Variants in TGFBR2 observed in about 807,000 individuals in gnomAD.
TGFBR2 encodes transforming growth factor beta receptor 2.
In TGFBR2, 18 loss-of-function variants were observed where a neutral mutation model predicts 49.0. The ratio of observed to expected loss-of-function variants is 0.37; its 90% CI spans 0.25 to 0.54. TGFBR2 has a LOEUF of 0.54. Among genes scored for constraint, TGFBR2 ranks in the 20% least tolerant of loss-of-function variants. The pLI, the probability that TGFBR2 is intolerant of heterozygous loss-of-function variation, is 0.85. For missense variants in TGFBR2, 525 were observed against 722.6 expected, an observed-to-expected ratio of 0.73 and a Z score of 3.13; for synonymous variants, 282 against 275.9, an observed-to-expected ratio of 1.02 and a Z score of -0.22.
intron 1 of TGFBR2, among the ~76,000 whole-genome samples, chr3:30,642,986 T>G (rs1331895208): frequency 6.6e-6 from 1 of 152,186 alleles, no homozygotes; most frequent in African/African-American, 2.4e-5. Context: ...ATGGCTTTAT[T>G]TTTTTCTTCT....
At chr3:30,628,965 T>G (rs1419041610) in intron 1 of TGFBR2, among the ~76,000 whole-genome samples, 2 of 152,164 alleles carry the variant, frequency 1.3e-5, no homozygotes, top group Non-Finnish European at 2.9e-5. Flanking sequence ...GGGATAGAAC[T>G]TTAATTACAC....
In TGFBR2 at chr3:30,671,619, T is replaced by C; in HGVS notation, c.455-19T>C. The C allele has an allele frequency of 1.2e-6, 2 of 1,613,960 alleles. No homozygotes were observed. The highest frequency in any genetic ancestry group is 8.5e-7 in the Non-Finnish European group (1 of 1,179,796). ...TACCACATCCAACTCCTTCTCTCCTTGTTTTGTTTCCCCATCAGAATATAA... is the reference window on the plus strand; with the variant it reads ...TACCACATCCAACTCCTTCTCTCCTCGTTTTGTTTCCCCATCAGAATATAA... On this transcript the variant is annotated intron_variant, in intron 3 of 6. Transcript: ENST00000295754.
intron 2 of TGFBR2, among the ~76,000 whole-genome samples, chr3:30,645,819 C>CCTCTCTCT (rs4016205): frequency 0.022 from 3,281 of 147,938 alleles, 43 homozygotes; most frequent in Non-Finnish European, 0.031. Context: ...CACATTTTCT[C>CCTCTCTCT]CTCTCTCTCT....
chr3:30,634,738 A>G (rs1016163962), intron 1 of TGFBR2, among the ~76,000 whole-genome samples: 4 of 152,198 alleles, frequency 2.6e-5, no homozygotes, highest in African/African-American at 9.6e-5. Context: ...TTGTTGCTAC[A>G]GCACTCCAAG....
intron 3 of TGFBR2, among the ~76,000 whole-genome samples, chr3:30,653,295 G>A (rs13068547): frequency 0.18 from 23,759 of 129,168 alleles, 2,248 homozygotes; most frequent in East Asian, 0.42. Flanking sequence ...TCTGTCACCC[G>A]GGCTGGAGTG....
intron 1 of TGFBR2, among the ~76,000 whole-genome samples, chr3:30,616,292 C>T (rs759231741): frequency 1.6e-4 from 25 of 152,108 alleles, no homozygotes; most frequent in Non-Finnish European, 2.6e-4. Flanking sequence ...TTTCACAAAA[C>T]CAAAATATTT....
chr3:30,674,051 A>C (rs1699388607), intron 4 of TGFBR2, 54 bp from the exon 5 acceptor site: 2 of 1,613,662 alleles, frequency 1.2e-6, no homozygotes, highest in Non-Finnish European at 8.5e-7. Context: ...TATTGTGAAA[A>C]TAAAAAGGCA....
At position 30,619,962 on chromosome 3, in the gene TGFBR2, C is replaced by T. The variant is rs759923366; in HGVS notation, c.94+12985C>T. On this transcript the variant is annotated intron_variant, in intron 1 of 6. Coordinates refer to ENST00000295754, the MANE Select transcript of TGFBR2 (RefSeq NM_003242.6). ...CAGCACTTTGGGAGGCCGAGGCGGGCGGATCACGAAGTCAGGAGATCGAGA... is the reference window on the plus strand; with the variant it reads ...CAGCACTTTGGGAGGCCGAGGCGGGTGGATCACGAAGTCAGGAGATCGAGA... Among the ~76,000 whole-genome samples, 13 of 57,688 alleles carry T rather than the reference C, an allele frequency of 2.3e-4. 1 individual carries two copies. Among genetic ancestry groups the T allele is most frequent in the African/African-American group, 4.4e-4 (10 of 22,854 alleles). The allele number at this position is 57,688 out of a possible 152,430, so 37.8% of individuals were successfully genotyped here.
chr3:30,635,851 T>C (rs538399441), intron 1 of TGFBR2, among the ~76,000 whole-genome samples: 1 of 152,278 alleles, frequency 6.6e-6, no homozygotes, highest in Admixed American at 6.5e-5. Context: ...TTCCCTCAGT[T>C]GAACAAGTCC....
chr3:30,671,760 C>A lies in TGFBR2; in HGVS notation c.577C>A (p.Arg193=), dbSNP rs61762550. ...CATCTTCTACTGCTACCGCGTTAAC[C>A]GGCAGCAGAAGCTGAGTTCAACCTG... is the stretch of plus-strand genomic sequence containing the variant. The part of the protein sequence containing the change: ...IIIFYCYRVN[R]QQKLSSTWET... The change falls in exon 4 of 7, where the codon CGG becomes AGG. Residue 193 remains arginine (R), a synonymous_variant. Coordinates refer to ENST00000295754, the MANE Select transcript of TGFBR2 (RefSeq NM_003242.6). 8.1e-6 allele frequency: 13 copies of A among 1,614,186 alleles called. No individual in the cohort carries two copies. Among genetic ancestry groups the A allele is most frequent in the Non-Finnish European group, 1.1e-5 (13 of 1,180,022 alleles).
intron 1 of TGFBR2, among the ~76,000 whole-genome samples, chr3:30,641,082 T>C (rs1383756778): frequency 6.6e-6 from 1 of 152,192 alleles, no homozygotes; most frequent in Admixed American, 6.5e-5. Flanking sequence ...CATCCCACTC[T>C]GACCAGCAGT....
At chr3:30,618,264 C>T (rs1698165305) in intron 1 of TGFBR2, among the ~76,000 whole-genome samples, 1 of 142,604 alleles carries the variant, frequency 7.0e-6, no homozygotes, top group Non-Finnish European at 1.5e-5. Flanking sequence ...GAATCTCGCT[C>T]TGTTGCCCAG....
rs141472871 is a variant in TGFBR2, at chr3:30,640,761, A to G, written c.95-3986A>G. Among the ~76,000 whole-genome samples the G allele has an allele frequency of 5.4e-3, 822 of 152,308 alleles. 9 individuals are homozygous for G. Among genetic ancestry groups the G allele is most frequent in the African/African-American group, 0.019 (793 of 41,576 alleles). ...GCCTTAATATAAGAATATCTTAACT[A>G]GAGAGACTTAGACTAATATAACAAT... On this transcript the variant is annotated intron_variant, in intron 1 of 6. Transcript: ENST00000295754.
chr3:30,651,020 G>A (rs1005978188), intron 3 of TGFBR2, among the ~76,000 whole-genome samples: 6 of 152,172 alleles, frequency 3.9e-5, no homozygotes, highest in African/African-American at 1.4e-4. Context: ...TTGCAATACA[G>A]AGAGGAAATA....
intron 1 of TGFBR2, among the ~76,000 whole-genome samples, chr3:30,609,939 A>G (rs924579697): frequency 6.6e-6 from 1 of 152,204 alleles, no homozygotes; most frequent in East Asian, 1.9e-4. Context: ...TTTTCAATGT[A>G]GCATTCCCTA....
intron 3 of TGFBR2, among the ~76,000 whole-genome samples, chr3:30,664,667 TGCACACGCGCGTGCGCGCACACACAC>T (rs1247660554): frequency 6.6e-6 from 1 of 152,208 alleles, no homozygotes; most frequent in Non-Finnish European, 1.5e-5. Context: ...CGCACACACA[TGCACACGCGCGTGCGCGCACACACAC>T]GTTGCTCTCA....
chr3:30,611,276 T>C (rs968289396), intron 1 of TGFBR2, among the ~76,000 whole-genome samples: 3 of 152,234 alleles, frequency 2.0e-5, no homozygotes, highest in African/African-American at 4.8e-5. Flanking sequence ...GTCGAGCATT[T>C]AACTAAGCAG....
intron 1 of TGFBR2, among the ~76,000 whole-genome samples, chr3:30,630,029 CTCTT>C (rs1289369507): frequency 6.6e-6 from 1 of 152,146 alleles, no homozygotes; most frequent in East Asian, 1.9e-4. Context: ...ATTTTTGCTT[CTCTT>C]TCTAAGAGTT....
At chr3:30,610,484 A>G (rs898251637) in intron 1 of TGFBR2, among the ~76,000 whole-genome samples, 1 of 152,156 alleles carries the variant, frequency 6.6e-6, no homozygotes, top group African/African-American at 2.4e-5. Context: ...TCTCCATTCC[A>G]TAGCCAGCAT....
Sources: allele counts gnomAD v4.1 joint callset (sites outside exome capture counted in the v4.1 genomes callset), GRCh38; gene constraint gnomAD v4.1.1; transcripts MANE v1.5; gene names NCBI Gene and HGNC (gene_info 2026-07-23, HGNC 2026-07-21).